The following EXD3 variants were observed in gnomAD, a reference collection of about 807,000 sequenced individuals.
EXD3 encodes the protein exonuclease mut-7 homolog.
In EXD3, 92 loss-of-function variants were observed where a neutral mutation model predicts 98.0. The ratio of observed to expected loss-of-function variants is 0.94; its 90% CI spans 0.79 to 1.12. EXD3 has a LOEUF of 1.12. Ranked by LOEUF, EXD3 falls within the 50% of genes most tolerant of loss-of-function variation. EXD3 has a pLI of 0.00. For synonymous variants in EXD3, 569 were observed against 526.0 expected (o/e 1.08, Z -1.12); for missense variants, 1,222 against 1,191.6 (o/e 1.03, Z -0.38).
Position 137,405,348 on chromosome 9 carries a change from C to A in EXD3, c.-47-9944G>T, listed in dbSNP as rs1278186811. ...TGCTTCCCCAACTGCTCCCTGGGGA[C>A]CCCTGGACCACAGGACCAACGGGGG... On this transcript the variant is annotated intron_variant, in intron 1 of 21. Coordinates refer to ENST00000340951, the MANE Select transcript of EXD3 (RefSeq NM_017820.5). The surrounding 1 kb of genome is among the most constrained non-coding windows in gnomAD (Gnocchi z 4.1). 6.6e-6 allele frequency among the ~76,000 whole-genome samples: 1 copy of A among 152,198 alleles called. No homozygotes were observed.
At chr9:137,414,283 G>A (rs1328186322) in intron 1 of EXD3, among the ~76,000 whole-genome samples, 4 of 152,248 alleles carry the variant, frequency 2.6e-5, no homozygotes, top group Non-Finnish European at 5.9e-5. Context: ...CATCCCTGCA[G>A]CAGCATGTGC....
chr9:137,375,109 C>T (rs1376852527), intron 3 of EXD3, among the ~76,000 whole-genome samples: 10 of 152,064 alleles, frequency 6.6e-5, no homozygotes, highest in South Asian at 4.1e-4. Flanking sequence ...CCCGGGTTCA[C>T]GCCATTCTCC....
rs1198995774 is a variant in EXD3 at position 137,407,373 on chromosome 9, C to T, written c.-47-11969G>A. On this transcript the variant is annotated intron_variant, in intron 1 of 21. Coordinates refer to ENST00000340951, the MANE Select transcript of EXD3 (RefSeq NM_017820.5). This position sits in a 1 kb window ranked among gnomAD's most constrained non-coding sequence, Gnocchi z 4.4. ...TACCGCAGAGGTGACTGCTCCCCCG[C>T]GAAGCCCACCCACCTGAGGTCCTGG... 6.6e-6 allele frequency among the ~76,000 whole-genome samples: 1 copy of T among 152,240 alleles called. No individual in the cohort carries two copies. The highest frequency in any genetic ancestry group is 1.5e-5 in the Non-Finnish European group (1 of 68,036).
Position 137,347,069 on chromosome 9 carries a change from C to G in EXD3, c.1998+1002G>C, listed in dbSNP as rs1472468432. On this transcript the variant is annotated intron_variant, in intron 17 of 21. Transcript: ENST00000340951. This position sits in a 1 kb window ranked among gnomAD's most constrained non-coding sequence, Gnocchi z 4.2. ...GACCTTGTGATCCACCCGCCTCGGC[C>G]TCCCAGAGTGCAGGGATTACAGGCG... Among the ~76,000 whole-genome samples the G allele has an allele frequency of 6.6e-6, 1 of 152,212 alleles. No individual in the cohort carries two copies. The highest frequency in any genetic ancestry group is 1.5e-5 in the Non-Finnish European group (1 of 68,034).
rs114855741 is a variant in EXD3 at position 137,367,806 on chromosome 9, C to T, written c.516+130G>A. 6.9e-3 allele frequency: 6,004 copies of T among 866,138 alleles called. 107 individuals are homozygous for T. The highest frequency in any genetic ancestry group is 0.05 in the African/African-American group (2,979 of 59,898). 53.7% of individuals were successfully genotyped at this position (866,138 alleles called of 1,614,324 possible). On this transcript the variant is annotated intron_variant, in intron 6 of 21. Transcript: ENST00000340951. Reference sequence around the variant, plus strand: ...TTTAGGGGGCTCTGGAGGCCCTCGCCGGCCCCCGATGGCCCTGCTGTCCCC... The same window carrying T: ...TTTAGGGGGCTCTGGAGGCCCTCGCTGGCCCCCGATGGCCCTGCTGTCCCC...
chr9:137,354,671 G>A, intron 9 of EXD3, 29 bp downstream of exon 9: 1 of 1,609,086 alleles, frequency 6.2e-7, no homozygotes, highest in South Asian at 1.1e-5. Context: ...GCGGCTGGCT[G>A]CCCCCAGGAC....
At position 137,306,989 on chromosome 9, in the gene EXD3, C is replaced by A. The variant is rs765112099; in HGVS notation, c.2592G>T (p.Glu864Asp). 5 of 1,603,870 alleles carry A rather than the reference C, an allele frequency of 3.1e-6. No individual in the cohort carries two copies. In the Admixed American group the frequency reaches 6.8e-5, roughly 22 times the overall value. The change falls in exon 22 of 22, where the codon GAG becomes GAT. Residue 864 changes from glutamate to aspartate, a missense_variant. Transcript: ENST00000340951. ...DMLESAPSPC[E>D]PSPAPSPASS... ...TGGCCGGGCTGGGGGCTGGGCTCGGCTCGCAGGGGCTGGGGGCGCTCTCCA... is the reference window on the plus strand; with the variant it reads ...TGGCCGGGCTGGGGGCTGGGCTCGGATCGCAGGGGCTGGGGGCGCTCTCCA...
intron 19 of EXD3, among the ~76,000 whole-genome samples, chr9:137,316,968 CTCT>C (rs948657618): frequency 3.3e-5 from 5 of 152,132 alleles, no homozygotes; most frequent in African/African-American, 1.2e-4. Context: ...GGGCAGGGAC[CTCT>C]TCTCCTCTCC....
chr9:137,327,429 G>C (rs753355406), intron 17 of EXD3, among the ~76,000 whole-genome samples: 2 of 152,118 alleles, frequency 1.3e-5, no homozygotes, highest in Admixed American at 1.3e-4. Context: ...CACCGCGCCC[G>C]GCCAGTATGG....
Position 137,352,062 on chromosome 9 carries a change from C to G in EXD3, c.1173+4G>C. 1 of 1,609,870 alleles carries G rather than the reference C, an allele frequency of 6.2e-7. No homozygotes were observed. The highest frequency in any genetic ancestry group is 8.5e-7 in the Non-Finnish European group (1 of 1,178,572). ...GGCGCTGCCCCAGCGGCCGAGGGAA[C>G]CACCTGCAGGAGTGCACCCTCGTGT... is the stretch of plus-strand genomic sequence containing the variant. On this transcript the variant is annotated splice_donor_region_variant and intron_variant, in intron 12 of 21. Transcript: ENST00000340951.
chr9:137,324,826 A>G lies in EXD3; in HGVS notation c.1999-683T>C, dbSNP rs1019153989. On this transcript the variant is annotated intron_variant, in intron 17 of 21. Transcript: ENST00000340951. This position sits in a 1 kb window ranked among gnomAD's most constrained non-coding sequence, Gnocchi z 4.1. ...TCCTGCCTCAGCCTCCCAAGTAGCT[A>G]GGACTACAGGCGCCAGCCACCGTGC... Among the ~76,000 whole-genome samples the G allele has an allele frequency of 3.5e-4, 53 of 151,854 alleles. No homozygotes were observed. Among genetic ancestry groups the G allele is most frequent in the African/African-American group, 1.2e-3 (48 of 41,376 alleles).
chr9:137,318,487 G>A (rs1831837279), intron 19 of EXD3, among the ~76,000 whole-genome samples: 1 of 152,206 alleles, frequency 6.6e-6, no homozygotes, highest in Admixed American at 6.5e-5. Context: ...TGGGGGGGTG[G>A]GGACTGGGAC....
In EXD3 at chr9:137,385,421, G is replaced by A. The variant is rs1458440321; in HGVS notation, c.56-2044C>T. Among the ~76,000 whole-genome samples the A allele has an allele frequency of 6.6e-6, 1 of 152,190 alleles. No homozygotes were observed. The highest frequency in any genetic ancestry group is 1.5e-5 in the Non-Finnish European group (1 of 68,036). On this transcript the variant is annotated intron_variant, in intron 2 of 21. Coordinates refer to ENST00000340951, the MANE Select transcript of EXD3 (RefSeq NM_017820.5). The surrounding 1 kb of genome is among the most constrained non-coding windows in gnomAD (Gnocchi z 4.4). The stretch of plus-strand genomic sequence containing the variant: ...GCGATGGGGCCAGGGTGGGCTGGGC[G>A]GGGCGTGCTGTGGTGTGTTCACGAT...
Position 137,405,461 on chromosome 9 carries a change from G to A in EXD3, c.-47-10057C>T, listed in dbSNP as rs1340665139. The stretch of plus-strand genomic sequence containing the variant: ...TGCAGAGCCGCGGACGGAGCCCAGG[G>A]CGGCCGTCGCAGGCCACTCACCCGT... On this transcript the variant is annotated intron_variant, in intron 1 of 21. Coordinates refer to ENST00000340951, the MANE Select transcript of EXD3 (RefSeq NM_017820.5). The surrounding 1 kb of genome is among the most constrained non-coding windows in gnomAD (Gnocchi z 4.1). Among the ~76,000 whole-genome samples, 1 of 152,246 alleles carries A rather than the reference G, an allele frequency of 6.6e-6. No homozygotes were observed. Among genetic ancestry groups the A allele is most frequent in the Non-Finnish European group, 1.5e-5 (1 of 68,046 alleles).
intron 8 of EXD3, among the ~76,000 whole-genome samples, chr9:137,355,672 G>GA (rs1564509127): frequency 4.3e-5 from 1 of 23,166 alleles, no homozygotes; most frequent in East Asian, 4.7e-3. Context: ...AAGGAGAAAG[G>GA]GAGGATGGAG....
chr9:137,309,433 G>C (rs1029637285), intron 20 of EXD3, among the ~76,000 whole-genome samples, 174 bp downstream of exon 20: 1 of 152,162 alleles, frequency 6.6e-6, no homozygotes, highest in African/African-American at 2.4e-5. Flanking sequence ...CCCTGGCTGT[G>C]GTTTTTCCAC....
At chr9:137,388,346 C>A (rs1050924646) in intron 2 of EXD3, among the ~76,000 whole-genome samples, 1 of 152,070 alleles carries the variant, frequency 6.6e-6, no homozygotes, top group Non-Finnish European at 1.5e-5. Flanking sequence ...ACCCCCGCGC[C>A]GGCCGACGGG....
chr9:137,357,400 CTCCAATTTTAAACATCT>C (rs1834847782), intron 7 of EXD3: 1 of 152,182 alleles, frequency 6.6e-6, no homozygotes, highest in African/African-American at 2.4e-5. Context: ...TTGACAGAAT[CTCCAATTTTAAACATCT>C]TTTCTCTTTG....
chr9:137,372,856 C>A, intron 5 of EXD3, 49 bp downstream of exon 5: 1 of 1,582,064 alleles, frequency 6.3e-7, no homozygotes, highest in South Asian at 1.1e-5. Flanking sequence ...CCTTGCCCCA[C>A]CGCCCGAGAA....
Sources: gnomAD v4.1 joint callset for allele counts (sites outside exome capture counted in the v4.1 genomes callset) on GRCh38, gnomAD v4.1.1 for gene constraint, Gnocchi (gnomAD v3.1) non-coding constraint, MANE v1.5 for transcripts, NCBI Gene and HGNC (gene_info 2026-07-23, HGNC 2026-07-21) for gene names.